DDX19B: variants seen among roughly 807,000 people sequenced by gnomAD.
DDX19B encodes the protein ATP-dependent RNA helicase DDX19B.
A neutral mutation model predicts 58.1 loss-of-function variants in DDX19B; 27 were observed. The observed-to-expected ratio is 0.46, with a 90% CI of 0.34 to 0.64. DDX19B has a LOEUF of 0.64. Among genes scored for constraint, DDX19B ranks in the 30% least tolerant of loss-of-function variants. DDX19B has a pLI of 0.01. For synonymous variants in DDX19B, 187 were observed against 214.4 expected, an observed-to-expected ratio of 0.87 and a Z score of 1.12; for missense variants, 399 against 596.5, an observed-to-expected ratio of 0.67 and a Z score of 3.45.
chr16:70,301,921 A>ATT (rs772503910), intron 1 of DDX19B, among the ~76,000 whole-genome samples: 4,925 of 130,218 alleles, frequency 0.038, 312 homozygotes, highest in African/African-American at 0.13. Context: ...TGGCCCTTTA[A>ATT]TTTTTTTTTT....
intron 1 of DDX19B, among the ~76,000 whole-genome samples, chr16:70,311,954 G>A (rs1456901557): frequency 1.3e-5 from 2 of 151,762 alleles, no homozygotes; most frequent in African/African-American, 4.8e-5. Context: ...CGATTCTCCT[G>A]CCTCAGCCTC....
At chr16:70,319,267 A>G (rs1249253874) in intron 5 of DDX19B, among the ~76,000 whole-genome samples, 1 of 152,226 alleles carries the variant, frequency 6.6e-6, no homozygotes, top group East Asian at 1.9e-4. Context: ...ATATAATAGA[A>G]GCCAAACAGC....
chr16:70,315,812 TA>T, intron 3 of DDX19B, 156 bp from the exon 4 acceptor site: 1 of 1,079,150 alleles, frequency 9.3e-7, no homozygotes, highest in South Asian at 2.1e-5. Flanking sequence ...TTTTCTTTAA[TA>T]AAACTATTTT....
upstream of DDX19B, among the ~76,000 whole-genome samples, chr16:70,290,543 A>T (rs1220715529): frequency 6.6e-6 from 1 of 152,100 alleles, no homozygotes; most frequent in Non-Finnish European, 1.5e-5. Context: ...AAAATAAAAA[A>T]TAAAAATTAG....
chr16:70,309,067 C>T lies in DDX19B; in HGVS notation c.58-3542C>T, dbSNP rs566977523. On this transcript the variant is annotated intron_variant, in intron 1 of 11. Transcript: ENST00000288071. ...TTTTTTTTTTTGTTTGTTTTTCAGTCGGCTTTCTCCAGTTGAATGGTTTCC... is the reference window on the plus strand; with the variant it reads ...TTTTTTTTTTTGTTTGTTTTTCAGTTGGCTTTCTCCAGTTGAATGGTTTCC... Among the ~76,000 whole-genome samples the T allele has an allele frequency of 1.8e-4, 27 of 150,790 alleles. No homozygotes were observed. In the South Asian group the frequency reaches 3.1e-3, roughly 17 times the overall value.
At chr16:70,314,058 G>C (rs1962234336) in intron 2 of DDX19B, among the ~76,000 whole-genome samples, 1 of 152,006 alleles carries the variant, frequency 6.6e-6, no homozygotes, top group South Asian at 2.1e-4. Flanking sequence ...GCAGTGAGCT[G>C]AGATCGCACC....
chr16:70,295,161 T>G, upstream of DDX19B: 2 of 961,954 alleles, frequency 2.1e-6, no homozygotes, highest in Non-Finnish European at 2.7e-6. Flanking sequence ...GATGCTCTTA[T>G]TCCCCGAACA....
chr16:70,298,697 T>C (rs79543455), upstream of DDX19B, among the ~76,000 whole-genome samples: 1 of 152,114 alleles, frequency 6.6e-6, no homozygotes, highest in East Asian at 2.0e-4. Flanking sequence ...AACGCTTACA[T>C]AGGAGAGCTG....
intron 1 of DDX19B, among the ~76,000 whole-genome samples, chr16:70,300,111 G>A (rs1961408844): frequency 6.6e-6 from 1 of 151,828 alleles, no homozygotes; most frequent in Non-Finnish European, 1.5e-5. Flanking sequence ...ATTTTTTATA[G>A]CTCATAAAAA....
upstream of DDX19B, among the ~76,000 whole-genome samples, chr16:70,296,590 A>T (rs1291046958): frequency 6.6e-6 from 1 of 152,042 alleles, no homozygotes; most frequent in Non-Finnish European, 1.5e-5. Flanking sequence ...TGTTTTGCAA[A>T]TTTCATTAAC....
chr16:70,324,117 A>G (rs1485027602), intron 5 of DDX19B, among the ~76,000 whole-genome samples: 1 of 152,084 alleles, frequency 6.6e-6, no homozygotes, highest in African/African-American at 2.4e-5. Flanking sequence ...GTATGCCATT[A>G]TGAGGGTTTC....
intron 5 of DDX19B, among the ~76,000 whole-genome samples, chr16:70,319,090 C>T (rs966774063): frequency 4.6e-5 from 7 of 151,838 alleles, no homozygotes; most frequent in Non-Finnish European, 7.4e-5. Flanking sequence ...GGCAACAGAG[C>T]GAGACTCCAT....
Position 70,302,429 on chromosome 16 carries a change from A to C in DDX19B, c.57+3075A>C, listed in dbSNP as rs150745086. Among the ~76,000 whole-genome samples the C allele has an allele frequency of 2.8e-3, 426 of 152,176 alleles. 2 individuals carry two copies. Among genetic ancestry groups the C allele is most frequent in the Non-Finnish European group, 4.5e-3 (309 of 68,000 alleles). ...CCTCACCCTTCTCTGGCAGCTGCTG[A>C]TATGTTTTCTGTCATTATAGTTTTG... On this transcript the variant is annotated intron_variant, in intron 1 of 11. Transcript: ENST00000288071.
chr16:70,313,608 T>C (rs917334312), intron 2 of DDX19B, among the ~76,000 whole-genome samples: 1 of 152,168 alleles, frequency 6.6e-6, no homozygotes, highest in African/African-American at 2.4e-5. Flanking sequence ...TGGGATGAGA[T>C]AGACAAAGTA....
At chr16:70,295,778 C>T (rs1191059376), upstream of DDX19B, among the ~76,000 whole-genome samples, 1 of 151,948 alleles carries the variant, frequency 6.6e-6, no homozygotes, top group East Asian at 1.9e-4. Flanking sequence ...GGCAGGTGAA[C>T]CTCTTGAACT....
intron 1 of DDX19B, among the ~76,000 whole-genome samples, chr16:70,312,336 C>T (rs1371122201): frequency 6.6e-6 from 1 of 152,114 alleles, no homozygotes; most frequent in Non-Finnish European, 1.5e-5. Flanking sequence ...ATAATCAGGG[C>T]ATTAAGCAAA....
At chr16:70,312,959 C>A (rs1335713178) in intron 2 of DDX19B, among the ~76,000 whole-genome samples, 1 of 151,904 alleles carries the variant, frequency 6.6e-6, no homozygotes, top group Non-Finnish European at 1.5e-5. Flanking sequence ...TCCTCCACCT[C>A]AGCCTCCTGA....
At position 70,325,556 on chromosome 16, in the gene DDX19B, G is replaced by T; in HGVS notation, c.493-18G>T. ...AGCTATTGTCTTGAATTTGCACTCTGCATTCTTTTCCTGCCAGTGTCTATG... is the reference window on the plus strand; with the variant it reads ...AGCTATTGTCTTGAATTTGCACTCTTCATTCTTTTCCTGCCAGTGTCTATG... On this transcript the variant is annotated intron_variant, in intron 6 of 11. Coordinates refer to ENST00000288071, the MANE Select transcript of DDX19B (RefSeq NM_007242.7). 1 of 1,571,562 alleles carries T rather than the reference G, an allele frequency of 6.4e-7. No individual in the cohort carries two copies. The highest frequency in any genetic ancestry group is 2.2e-5 in the East Asian group (1 of 44,622).
chr16:70,324,518 A>G, intron 5 of DDX19B, 67 bp from the exon 6 acceptor site: 1 of 1,451,690 alleles, frequency 6.9e-7, no homozygotes, highest in Non-Finnish European at 9.5e-7. Flanking sequence ...TTTAATACTC[A>G]TTTTTTTAAA....
Sources: allele counts gnomAD v4.1 joint callset (sites outside exome capture counted in the v4.1 genomes callset), GRCh38; gene constraint gnomAD v4.1.1; transcripts MANE v1.5; gene names NCBI Gene and HGNC (gene_info 2026-07-23, HGNC 2026-07-21).